Variants in LRBA observed in about 807,000 individuals in gnomAD.
LRBA encodes the protein LPS responsive beige-like anchor protein.
LRBA carries 176 observed loss-of-function variants against 330.0 expected under a neutral mutation model. The observed-to-expected ratio is 0.53, with a 90% CI of 0.47 to 0.60. The LOEUF (loss-of-function observed/expected upper bound fraction) is 0.60, where lower values mean the gene tolerates loss of function less well. Among genes scored for constraint, LRBA ranks in the 20% least tolerant of loss-of-function variants. LRBA has a pLI of 0.00. For missense variants in LRBA, 3,259 were observed against 3,444.8 expected (o/e 0.95, Z 1.35); for synonymous variants, 1,230 against 1,193.0 (o/e 1.03, Z -0.64).
intron 40 of LRBA, among the ~76,000 whole-genome samples, chr4:150,523,639 C>T (rs1189481353): frequency 6.6e-6 from 1 of 152,122 alleles, no homozygotes; most frequent in African/African-American, 2.4e-5. Context: ...GTGATGGTAA[C>T]TTCATCACTT....
intron 44 of LRBA, among the ~76,000 whole-genome samples, chr4:150,443,076 A>G (rs1752041496): frequency 6.6e-6 from 1 of 152,162 alleles, no homozygotes; most frequent in Non-Finnish European, 1.5e-5. Flanking sequence ...TAGCATCCCC[A>G]ATTTGCAGGT....
At chr4:150,396,151 G>C (rs772662533) in intron 47 of LRBA, among the ~76,000 whole-genome samples, 2 of 152,144 alleles carry the variant, frequency 1.3e-5, no homozygotes, top group Non-Finnish European at 2.9e-5. Context: ...CCAATCCAAT[G>C]AGTACCAGAA....
chr4:150,415,487 A>G lies in LRBA; in HGVS notation c.7145T>C (p.Leu2382Pro), dbSNP rs1436019797. ...DDGTVVSDVE[L>P]PPWAKTSEEF... Reference sequence around the variant, plus strand: ...TTCTGAGGTTTTGGCCCAAGGAGGAAGTTCGACATCAGACACTACTGTCCC... The same window carrying G: ...TTCTGAGGTTTTGGCCCAAGGAGGAGGTTCGACATCAGACACTACTGTCCC... Residue 2382 changes from leucine (L) to proline (P), a missense_variant, in exon 47 of 57, where the codon CTT becomes CCT. Coordinates refer to ENST00000651943, the MANE Select transcript of LRBA (RefSeq NM_001364905.1). The G allele has an allele frequency of 1.2e-6, 2 of 1,613,358 alleles. No homozygotes were observed. Among genetic ancestry groups the G allele is most frequent in the Middle Eastern group, 1.7e-4 (1 of 6,054 alleles).
intron 34 of LRBA, among the ~76,000 whole-genome samples, chr4:150,790,224 C>T (rs1739698852): frequency 6.6e-6 from 1 of 152,288 alleles, no homozygotes. Context: ...TCTGACTAGA[C>T]TGCCAAGCCA....
chr4:150,524,186 T>C (rs759602661), intron 40 of LRBA, among the ~76,000 whole-genome samples: 1 of 152,174 alleles, frequency 6.6e-6, no homozygotes, highest in Non-Finnish European at 1.5e-5. Flanking sequence ...TTATACATGG[T>C]CATAAAATAG....
At chr4:150,600,067 CTT>C (rs1285561531) in intron 37 of LRBA, among the ~76,000 whole-genome samples, 1 of 151,742 alleles carries the variant, frequency 6.6e-6, no homozygotes, top group African/African-American at 2.4e-5. Context: ...AGCTTTCTCT[CTT>C]GTTAACTAAT....
rs768443480 is a variant in LRBA at position 150,282,176 on chromosome 4, A to G, written c.8316+274T>C. Reference sequence around the variant, plus strand: ...GAAATGAGCAGTGCCACTAAAAGCCACCCAGGATGGCTTCAGAAGCCCCTA... The same window carrying G: ...GAAATGAGCAGTGCCACTAAAAGCCGCCCAGGATGGCTTCAGAAGCCCCTA... On this transcript the variant is annotated intron_variant, in intron 55 of 56. Transcript: ENST00000651943. Among the ~76,000 whole-genome samples the G allele has an allele frequency of 3.2e-4, 49 of 152,206 alleles. 1 individual carries two copies. Among genetic ancestry groups the G allele is most frequent in the Non-Finnish European group, 6.3e-4 (43 of 68,042 alleles).
intron 42 of LRBA, among the ~76,000 whole-genome samples, chr4:150,482,266 G>A (rs1757379325): frequency 6.6e-6 from 1 of 152,038 alleles, no homozygotes; most frequent in Non-Finnish European, 1.5e-5. Flanking sequence ...TTTCCAGAAT[G>A]TCATATAAAT....
Position 150,921,292 on chromosome 4 carries a change from G to C in LRBA, c.551C>G (p.Pro184Arg). The part of the protein sequence containing the change: ...SKLQGDKGRW[P>R]PHAGKLLSVL... ...AGACAGCAACTTCCCAGCATGTGGA[G>C]GCTATGAAGATAATTAACAATTCAT... is the stretch of plus-strand genomic sequence containing the variant. The change falls in exon 5 of 57, where the codon CCT (proline) becomes CGT (arginine). Residue 184 changes from proline (P) to arginine (R), a missense_variant and splice_region_variant. Physicochemically the swap from Pro to Arg is moderately radical, Grantham distance 103. Transcript: ENST00000651943. The C allele has an allele frequency of 6.9e-6, 11 of 1,588,662 alleles. No individual in the cohort carries two copies. The highest frequency in any genetic ancestry group is 8.6e-6 in the Non-Finnish European group (10 of 1,157,158).
intron 47 of LRBA, among the ~76,000 whole-genome samples, chr4:150,409,668 A>C (rs1746673161): frequency 6.6e-6 from 1 of 152,194 alleles, no homozygotes; most frequent in African/African-American, 2.4e-5. Flanking sequence ...CAACAAAACA[A>C]AGTAAACCTA....
intron 9 of LRBA, 80 bp downstream of exon 9, chr4:150,914,114 TA>T: frequency 8.9e-7 from 1 of 1,123,486 alleles, no homozygotes; most frequent in Non-Finnish European, 1.2e-6. Context: ...TTGTATCCAT[TA>T]ACCAAACTCT....
chr4:150,306,857 G>A (rs773649015), intron 52 of LRBA, among the ~76,000 whole-genome samples: 1 of 152,048 alleles, frequency 6.6e-6, no homozygotes, highest in Admixed American at 6.6e-5. Context: ...AAAAAGCTAG[G>A]TCCAAGGCCT....
At chr4:150,832,664 T>C (rs1747376645) in intron 28 of LRBA, among the ~76,000 whole-genome samples, 1 of 152,180 alleles carries the variant, frequency 6.6e-6, no homozygotes, top group Non-Finnish European at 1.5e-5. Flanking sequence ...TTTTTATCTG[T>C]AATCATAAAA....
At chr4:150,632,977 C>T (rs1581868532) in intron 37 of LRBA, among the ~76,000 whole-genome samples, 1 of 152,186 alleles carries the variant, frequency 6.6e-6, no homozygotes, top group South Asian at 2.1e-4. Context: ...CCTATGATCT[C>T]ATCCAAACTT....
intron 36 of LRBA, among the ~76,000 whole-genome samples, chr4:150,695,330 G>C (rs1388707352): frequency 1.3e-5 from 2 of 152,042 alleles, no homozygotes; most frequent in East Asian, 3.9e-4. Flanking sequence ...TTTTTGTTTT[G>C]TTTTGTTTTT....
chr4:150,636,137 G>A (rs970986503), intron 37 of LRBA, among the ~76,000 whole-genome samples: 3 of 143,266 alleles, frequency 2.1e-5, no homozygotes, highest in Non-Finnish European at 4.5e-5. Context: ...TTGATCACTT[G>A]ATGACATGGT....
At chr4:150,631,601 A>G (rs1285742570) in intron 37 of LRBA, among the ~76,000 whole-genome samples, 1 of 152,198 alleles carries the variant, frequency 6.6e-6, no homozygotes, top group Non-Finnish European at 1.5e-5. Flanking sequence ...ACTCTTCCAT[A>G]TGAGAATGTG....
At chr4:150,748,673 A>AAC (rs1379002661) in intron 35 of LRBA, among the ~76,000 whole-genome samples, 5 of 151,622 alleles carry the variant, frequency 3.3e-5, no homozygotes, top group African/African-American at 1.2e-4. Flanking sequence ...TCTCACAGAA[A>AAC]AAAAAAAAAA....
intron 37 of LRBA, among the ~76,000 whole-genome samples, chr4:150,618,265 T>C (rs1383807401): frequency 3.3e-5 from 5 of 152,224 alleles, no homozygotes; most frequent in Admixed American, 1.3e-4. Flanking sequence ...GCTAGGGATA[T>C]AGCATGGGGA....
Sources: allele counts gnomAD v4.1 joint callset (sites outside exome capture counted in the v4.1 genomes callset), GRCh38; gene constraint gnomAD v4.1.1; transcripts MANE v1.5; gene names NCBI Gene and HGNC (gene_info 2026-07-23, HGNC 2026-07-21).